EYS: variants seen among roughly 807,000 people sequenced by gnomAD.
The protein encoded by EYS is protein eyes shut homolog.
In EYS, 250 loss-of-function variants were observed where a neutral mutation model predicts 282.1. The observed-to-expected ratio is 0.89, with a 90% confidence interval of 0.80 to 0.98. The LOEUF is 0.98. Ranked by LOEUF, EYS falls within the 50% of genes least tolerant of loss-of-function variation. EYS has a pLI of 0.00. For synonymous variants in EYS, 1,355 were observed against 1,282.9 expected (o/e 1.06, Z -1.20); for missense variants, 4,016 against 3,709.0 (o/e 1.08, Z -2.15).
At chr6:65,103,806 A>G (rs183398983) in intron 12 of EYS, among the ~76,000 whole-genome samples, 1 of 151,362 alleles carries the variant, frequency 6.6e-6, no homozygotes, top group Non-Finnish European at 1.5e-5. Flanking sequence ...CTATGCTACT[A>G]TGCTATAGCA....
intron 32 of EYS, among the ~76,000 whole-genome samples, chr6:64,069,313 ATAAT>A (rs546773499): frequency 3.9e-4 from 60 of 152,222 alleles, no homozygotes; most frequent in African/African-American, 8.4e-4. Flanking sequence ...ATCAAAGTAA[ATAAT>A]TCTTATGATG....
chr6:63,743,001 G>T (rs545322010), intron 41 of EYS, among the ~76,000 whole-genome samples: 2 of 152,170 alleles, frequency 1.3e-5, no homozygotes, highest in Admixed American at 1.3e-4. Flanking sequence ...CAATGTGATT[G>T]CAGGGTTGTA....
chr6:64,344,054 GCAATAATTAATAGCTTAC>G (rs1771256182), intron 29 of EYS, among the ~76,000 whole-genome samples: 1 of 152,048 alleles, frequency 6.6e-6, no homozygotes, highest in African/African-American at 2.4e-5. Context: ...TGAAATTGAG[GCAATAATTAATAGCTTAC>G]CAACCAAAAA....
chr6:65,000,323 G>C (rs896434279), intron 13 of EYS, among the ~76,000 whole-genome samples: 2 of 152,128 alleles, frequency 1.3e-5, no homozygotes, highest in African/African-American at 4.8e-5. Flanking sequence ...CTACTATTTT[G>C]AGGCCAAATT....
In EYS at chr6:64,230,703, G is replaced by T. The variant is rs1188834464; in HGVS notation, c.6313C>A (p.Gln2105Lys). Reference protein sequence around the residue: ...PSVAAPSVCQQDVCHNGGTCH... With the variant: ...PSVAAPSVCQKDVCHNGGTCH... ...GTGCCTCCATTGTGGCATACATCCT[G>T]CTGGCACACAGAGGGTGCTGCAACA... Residue 2105 changes from glutamine (Q) to lysine (K), a missense_variant, in exon 31 of 43, where the codon CAG becomes AAG. Transcript: ENST00000503581. The T allele has an allele frequency of 6.4e-6, 10 of 1,551,576 alleles. No individual in the cohort carries two copies. Among genetic ancestry groups the T allele is most frequent in the Non-Finnish European group, 7.8e-6 (9 of 1,146,890 alleles).
intron 35 of EYS, among the ~76,000 whole-genome samples, chr6:63,879,045 C>T (rs115391773): frequency 0.028 from 4,313 of 152,224 alleles, 106 homozygotes; most frequent in South Asian, 0.1. Flanking sequence ...ATGTCATTCA[C>T]GTTGGGAGCT....
intron 22 of EYS, among the ~76,000 whole-genome samples, chr6:64,684,902 A>G (rs1770035815): frequency 6.6e-6 from 1 of 152,054 alleles, no homozygotes; most frequent in South Asian, 2.1e-4. Flanking sequence ...TAAATAGAAA[A>G]TTAATAACAT....
At chr6:64,928,887 C>T (rs886680875) in intron 15 of EYS, among the ~76,000 whole-genome samples, 2 of 151,892 alleles carry the variant, frequency 1.3e-5, no homozygotes, top group Non-Finnish European at 2.9e-5. Flanking sequence ...CTATGCAGTT[C>T]TGTGAATAAA....
At chr6:64,758,544 T>C (rs1296216794) in intron 22 of EYS, among the ~76,000 whole-genome samples, 1 of 152,122 alleles carries the variant, frequency 6.6e-6, no homozygotes, top group Non-Finnish European at 1.5e-5. Flanking sequence ...ACCCAGTCCA[T>C]GCTACAATTA....
At chr6:64,116,061 T>C (rs1335392488) in intron 31 of EYS, among the ~76,000 whole-genome samples, 2 of 151,732 alleles carry the variant, frequency 1.3e-5, no homozygotes, top group Non-Finnish European at 2.9e-5. Flanking sequence ...AATAAAGAGA[T>C]ATCACAAAAA....
intron 31 of EYS, among the ~76,000 whole-genome samples, chr6:64,123,297 A>G (rs918887112): frequency 2.0e-5 from 3 of 152,234 alleles, no homozygotes; most frequent in Non-Finnish European, 4.4e-5. Flanking sequence ...TACTAATATT[A>G]TATTAAAAAT....
Position 64,591,370 on chromosome 6 carries a change from T to C in EYS, c.4497A>G (p.Val1499=). 1.9e-6 allele frequency: 3 copies of C among 1,551,308 alleles called. No homozygotes were observed. Among genetic ancestry groups the C allele is most frequent in the Non-Finnish European group, 1.7e-6 (2 of 1,146,740 alleles). ...AGATGGTTACCTGTTTAGATATAATTACCTTAGCAGGAAAAATGGGAGACA... is the reference window on the plus strand; with the variant it reads ...AGATGGTTACCTGTTTAGATATAATCACCTTAGCAGGAAAAATGGGAGACA... ...PSMSPIFPAK[V]IISKQVTILN... is the part of the protein sequence containing the mutation. The change falls in exon 26 of 43, where the codon GTA becomes GTG. Residue 1499 remains valine (V), a synonymous_variant. Transcript: ENST00000503581.
intron 12 of EYS, among the ~76,000 whole-genome samples, chr6:65,226,689 G>A (rs979335936): frequency 7.2e-5 from 11 of 152,106 alleles, no homozygotes; most frequent in Non-Finnish European, 4.4e-5. Flanking sequence ...ATGAAATAGC[G>A]AGACCGCTGT....
chr6:64,481,871 C>T (rs531745853), intron 26 of EYS, among the ~76,000 whole-genome samples: 3 of 151,672 alleles, frequency 2.0e-5, no homozygotes, highest in African/African-American at 7.2e-5. Flanking sequence ...TATCTGTTCT[C>T]TATATTTAAG....
At chr6:64,655,591 C>A (rs1015711144) in intron 22 of EYS, among the ~76,000 whole-genome samples, 1 of 151,860 alleles carries the variant, frequency 6.6e-6, no homozygotes, top group Non-Finnish European at 1.5e-5. Context: ...TGTCTTATAA[C>A]CTCATGCTGT....
At chr6:64,726,642 C>A (rs1443048947) in intron 22 of EYS, among the ~76,000 whole-genome samples, 1 of 152,022 alleles carries the variant, frequency 6.6e-6, no homozygotes, top group Non-Finnish European at 1.5e-5. Flanking sequence ...CTGACTAATT[C>A]AACCAGAAAA....
rs535246346 is a variant in EYS at position 64,807,167 on chromosome 6, TAGATGTCTAACTGCA to T, written c.3443+6196_3443+6210del. 1.3e-4 allele frequency among the ~76,000 whole-genome samples: 20 copies of T among 152,262 alleles called. No homozygotes were observed. In the South Asian group the frequency reaches 1.9e-3, roughly 14 times the overall value. On this transcript the variant is annotated intron_variant, in intron 22 of 42. Coordinates refer to ENST00000503581, the MANE Select transcript of EYS (RefSeq NM_001142800.2). ...TTGCATCAGGAAATAAAATACAAAA[TAGATGTCTAACTGCA>T]AGAATAGTCATGATATCTGACTATA...
Position 64,504,780 on chromosome 6 carries a change from G to A in EYS, c.5645-65428C>T, listed in dbSNP as rs1777161332. Among the ~76,000 whole-genome samples the A allele has an allele frequency of 2.0e-5, 3 of 152,322 alleles. No individual in the cohort carries two copies. In the Middle Eastern group the frequency reaches 0.01, roughly 518 times the overall value. The stretch of plus-strand genomic sequence containing the variant: ...TAAACAGTGAGAAAAGTTATGTGCA[G>A]TTGAGAGAGAGAAGTTCCATGTGGC... On this transcript the variant is annotated intron_variant, in intron 26 of 42. Coordinates refer to ENST00000503581, the MANE Select transcript of EYS (RefSeq NM_001142800.2).
chr6:65,609,903 G>C (rs550483319), intron 2 of EYS, among the ~76,000 whole-genome samples: 14 of 152,076 alleles, frequency 9.2e-5, no homozygotes, highest in East Asian at 5.8e-4. Flanking sequence ...TTCACCTTTT[G>C]AGATATAGTT....
Sources: allele counts gnomAD v4.1 joint callset (sites outside exome capture counted in the v4.1 genomes callset), GRCh38; gene constraint gnomAD v4.1.1; transcripts MANE v1.5; gene names NCBI Gene and HGNC (gene_info 2026-07-23, HGNC 2026-07-21).